The following MON2 variants were observed in gnomAD, a reference collection of about 807,000 sequenced individuals.
The protein encoded by MON2 is protein MON2 homolog.
In MON2, 84 loss-of-function variants were observed where a neutral mutation model predicts 208.6. The observed-to-expected ratio is 0.40, with a 90% CI of 0.34 to 0.48. MON2 has a LOEUF of 0.48. Among genes scored for constraint, MON2 ranks in the 20% least tolerant of loss-of-function variants. MON2 has a pLI of 0.59. For missense variants in MON2, 1,611 were observed against 2,015.4 expected, an observed-to-expected ratio of 0.80 and a Z score of 3.84; for synonymous variants, 660 against 694.0, an observed-to-expected ratio of 0.95 and a Z score of 0.77.
chr12:62,537,515 C>A (rs149058550), intron 15 of MON2, 87 bp from the exon 16 acceptor site: 8 of 1,005,216 alleles, frequency 8.0e-6, no homozygotes, highest in South Asian at 7.0e-5. Flanking sequence ...TTAAAAAAAT[C>A]TTTTAACACA....
At chr12:62,549,908 A>G in intron 23 of MON2, 78 bp downstream of exon 23, 2 of 964,378 alleles carry the variant, frequency 2.1e-6, no homozygotes, top group Non-Finnish European at 1.4e-6. Flanking sequence ...CTAAGCAAAT[A>G]TACTTTTAGC....
intron 1 of MON2, among the ~76,000 whole-genome samples, chr12:62,468,420 TCATATTTA>T (rs1275801132): frequency 7.9e-5 from 12 of 152,218 alleles, no homozygotes; most frequent in African/African-American, 2.7e-4. Context: ...CCGAGGGATT[TCATATTTA>T]CATACTTATT....
chr12:62,534,216 C>T (rs1483001823), intron 12 of MON2, among the ~76,000 whole-genome samples: 1 of 137,766 alleles, frequency 7.3e-6, no homozygotes, highest in African/African-American at 2.9e-5. Flanking sequence ...CATAACAAGA[C>T]CCTGTCTCTT....
intron 6 of MON2, 134 bp from the exon 7 acceptor site, chr12:62,501,439 C>G: frequency 2.2e-6 from 2 of 926,182 alleles, no homozygotes; most frequent in South Asian, 1.9e-5. Flanking sequence ...ATTGGAATTA[C>G]CAGTGCTTAG....
chr12:62,475,989 C>T (rs2069053391), intron 1 of MON2, among the ~76,000 whole-genome samples: 1 of 151,468 alleles, frequency 6.6e-6, no homozygotes, highest in Non-Finnish European at 1.5e-5. Context: ...CCAGCCTGGG[C>T]AACGAGAGCT....
intron 8 of MON2, 135 bp downstream of exon 8, chr12:62,508,615 A>G: frequency 1.5e-6 from 1 of 675,106 alleles, no homozygotes; most frequent in Non-Finnish European, 2.6e-6. Context: ...CGTGTAGTCT[A>G]GGTACTCTAA....
intron 12 of MON2, among the ~76,000 whole-genome samples, chr12:62,532,953 C>T (rs2072727634): frequency 6.6e-6 from 1 of 152,176 alleles, no homozygotes; most frequent in African/African-American, 2.4e-5. Flanking sequence ...CAATCACCAT[C>T]AGAAATTTAA....
At chr12:62,551,700 G>A (rs2073754395) in intron 23 of MON2, among the ~76,000 whole-genome samples, 1 of 152,066 alleles carries the variant, frequency 6.6e-6, no homozygotes, top group Non-Finnish European at 1.5e-5. Context: ...AAAGAGAAGT[G>A]CAATAAAACA....
At chr12:62,527,650 C>T (rs1015591740) in intron 11 of MON2, among the ~76,000 whole-genome samples, 1 of 151,766 alleles carries the variant, frequency 6.6e-6, no homozygotes, top group Admixed American at 6.6e-5. Context: ...TACACTTTAG[C>T]GAGTGAGATA....
intron 14 of MON2, among the ~76,000 whole-genome samples, chr12:62,535,936 GT>G (rs1291414362): frequency 6.6e-6 from 1 of 151,834 alleles, no homozygotes; most frequent in Non-Finnish European, 1.5e-5. Context: ...TCTAAAACTT[GT>G]TGAGCACCAA....
chr12:62,526,001 G>A lies in MON2; in HGVS notation c.1299G>A (p.Val433=), dbSNP rs1185355164. ...SVSAPANSGM[V]GIGGGVTLLP... ...CAGCACCAGCTAACTCAGGAATGGT[G>A]GGGATTGGTGGAGGTGTTACTTTGC... The change falls in exon 11 of 35, where the codon GTG becomes GTA. Residue 433 remains valine (V), a synonymous_variant. Coordinates refer to ENST00000393630, the MANE Select transcript of MON2 (RefSeq NM_015026.3). The A allele has an allele frequency of 1.2e-6, 2 of 1,613,826 alleles. No homozygotes were observed. The highest frequency in any genetic ancestry group is 1.7e-6 in the Non-Finnish European group (2 of 1,179,774).
chr12:62,554,582 C>T (rs893964135), intron 24 of MON2, among the ~76,000 whole-genome samples: 3 of 152,130 alleles, frequency 2.0e-5, no homozygotes, highest in Non-Finnish European at 4.4e-5. Flanking sequence ...ACAGCCTTGA[C>T]CTGCCAGGCT....
At chr12:62,523,762 T>C (rs1224429928) in intron 8 of MON2, among the ~76,000 whole-genome samples, 2 of 152,162 alleles carry the variant, frequency 1.3e-5, no homozygotes, top group African/African-American at 4.8e-5. Flanking sequence ...ATAATCACCA[T>C]GTCAGCTTAA....
intron 8 of MON2, among the ~76,000 whole-genome samples, chr12:62,520,044 T>A (rs1293106191): frequency 6.6e-6 from 1 of 152,248 alleles, no homozygotes; most frequent in Non-Finnish European, 1.5e-5. Context: ...CTCGATCTCC[T>A]GACCTCGTGA....
At chr12:62,475,700 TC>T (rs1445554730) in intron 1 of MON2, among the ~76,000 whole-genome samples, 1 of 142,546 alleles carries the variant, frequency 7.0e-6, no homozygotes, top group Non-Finnish European at 1.5e-5. Context: ...ACCACACCCA[TC>T]CTCCTTTTCT....
At chr12:62,578,637 C>A in intron 31 of MON2, 132 bp downstream of exon 31, 1 of 588,208 alleles carries the variant, frequency 1.7e-6, no homozygotes, top group South Asian at 2.7e-5. Flanking sequence ...AAAACTCTTA[C>A]AGGTTAAACG....
At position 62,498,498 on chromosome 12, in the gene MON2, C is replaced by G. The variant is rs527825191; in HGVS notation, c.436-421C>G. 5.9e-5 allele frequency among the ~76,000 whole-genome samples: 9 copies of G among 152,156 alleles called. No homozygotes were observed. The East Asian group carries it at 1.7e-3, about 29-fold the overall frequency. On this transcript the variant is annotated intron_variant, in intron 4 of 34. Transcript: ENST00000393630. Reference sequence around the variant, plus strand: ...ATAATTTATTGTATATAAATTACATCTCAATAAACTTGAGTTTTAAAAGAA... The same window carrying G: ...ATAATTTATTGTATATAAATTACATGTCAATAAACTTGAGTTTTAAAAGAA...
intron 19 of MON2, among the ~76,000 whole-genome samples, chr12:62,539,425 G>A (rs1310105730): frequency 1.3e-5 from 2 of 151,648 alleles, no homozygotes; most frequent in East Asian, 2.0e-4. Context: ...CACCACGCCC[G>A]GCTAATTTTT....
chr12:62,576,160 T>C (rs912988307), intron 30 of MON2, among the ~76,000 whole-genome samples: 8 of 152,174 alleles, frequency 5.3e-5, no homozygotes, highest in African/African-American at 1.9e-4. Flanking sequence ...TGCTAATGCA[T>C]GCTCAAACAT....
Sources: gnomAD v4.1 joint callset for allele counts (sites outside exome capture counted in the v4.1 genomes callset) on GRCh38, gnomAD v4.1.1 for gene constraint, MANE v1.5 for transcripts, NCBI Gene and HGNC (gene_info 2026-07-23, HGNC 2026-07-21) for gene names.